The following SUGP2 variants were observed in gnomAD, a reference collection of about 807,000 sequenced individuals.
The protein encoded by SUGP2 is SURP and G-patch domain-containing protein 2.
In SUGP2, 24 loss-of-function variants were observed where a neutral mutation model predicts 90.5. That is an observed-to-expected ratio of 0.27 (90% CI 0.19 to 0.37). The LOEUF is 0.37. SUGP2 is among the 10% of genes least tolerant of loss of function. SUGP2 has a pLI of 1.00. For missense variants in SUGP2, 1,233 were observed against 1,363.3 expected (o/e 0.90, Z 1.51); for synonymous variants, 473 against 513.4 (o/e 0.92, Z 1.06).
intron 4 of SUGP2, among the ~76,000 whole-genome samples, chr19:19,016,216 A>G (rs774396456): frequency 6.6e-6 from 1 of 152,094 alleles, no homozygotes; most frequent in African/African-American, 2.4e-5. Context: ...TATTTTTAGT[A>G]GAGACAGGGT....
Position 19,004,459 on chromosome 19 carries a change from G to A in SUGP2, c.2638C>T (p.Pro880Ser). The change falls in exon 7 of 11, where the codon CCG becomes TCG. Residue 880 changes from proline (P) to serine (S), a missense_variant. Physicochemically the swap from Pro to Ser is moderately conservative, Grantham distance 74. Transcript: ENST00000452918. Reference protein sequence around the residue: ...GEAEFEDEPPPREAELESPEV... With the variant: ...GEAEFEDEPPSREAELESPEV... The stretch of plus-strand genomic sequence containing the variant: ...GGGCTCTCCAGCTCAGCCTCCCGCG[G>A]AGGGGGCTCGTCTTCAAACTCTGCT... 6.2e-7 allele frequency: 1 copy of A among 1,614,186 alleles called. No individual in the cohort carries two copies. Among genetic ancestry groups the A allele is most frequent in the Non-Finnish European group, 8.5e-7 (1 of 1,180,038 alleles).
chr19:19,025,535 G>T lies in SUGP2; in HGVS notation c.813C>A (p.Ile271=). The T allele has an allele frequency of 6.2e-7, 1 of 1,614,110 alleles. No homozygotes were observed. Among genetic ancestry groups the T allele is most frequent in the Non-Finnish European group, 8.5e-7 (1 of 1,180,028 alleles). Residue 271 remains isoleucine (I), a synonymous_variant, in exon 3 of 11, where the codon ATC becomes ATA. Coordinates refer to ENST00000452918, the MANE Select transcript of SUGP2 (RefSeq NM_001017392.5). ...CATCAGGACTTGGAGTGTTTTTCTG[G>T]ATTTGGTTAGTGCCCTGAGTTTTGG... ...ITPKTQGTNQ[I]QKNTPSPDVT...
At chr19:18,999,468 C>CTGAGCTAGAGT (rs1423641141) in intron 8 of SUGP2, among the ~76,000 whole-genome samples, 1 of 152,206 alleles carries the variant, frequency 6.6e-6, no homozygotes, top group Non-Finnish European at 1.5e-5. Flanking sequence ...GGTGGCAGGG[C>CTGAGCTAGAGT]TGAGCTAGAG....
intron 3 of SUGP2, among the ~76,000 whole-genome samples, chr19:19,021,042 C>T (rs900480008): frequency 7.3e-5 from 11 of 151,720 alleles, no homozygotes; most frequent in African/African-American, 2.4e-4. Flanking sequence ...GACTGTAATC[C>T]CAGCTACTAG....
rs200462244 is a variant in SUGP2 at position 19,008,361 on chromosome 19, G to A, written c.2406C>T (p.Ile802=). 1.9e-5 allele frequency: 31 copies of A among 1,614,156 alleles called. No individual in the cohort carries two copies. The highest frequency in any genetic ancestry group is 4.0e-5 in the African/African-American group (3 of 75,016). ...ARFVAQVGPE[I]EQFSIENSTD... is the part of the protein sequence containing the mutation. ...TGCTGTTTTCTATGCTGAATTGTTC[G>A]ATCTCTGGTCCCACCTGAGCAACAA... Residue 802 remains isoleucine, a synonymous_variant, in exon 6 of 11, where the codon ATC becomes ATT. Transcript: ENST00000452918.
intron 7 of SUGP2, 45 bp downstream of exon 7, chr19:19,004,123 C>T: frequency 1.4e-6 from 2 of 1,450,964 alleles, no homozygotes; most frequent in Non-Finnish European, 1.9e-6. Context: ...GCCCACCAAC[C>T]AAGAACTGTG....
intron 5 of SUGP2, 146 bp downstream of exon 5, chr19:19,009,709 A>G: frequency 9.7e-7 from 1 of 1,028,992 alleles, no homozygotes. Context: ...AGAAAGCGCC[A>G]ACATGTACAC....
At chr19:19,006,253 A>G (rs2058075440) in intron 6 of SUGP2, among the ~76,000 whole-genome samples, 1 of 152,128 alleles carries the variant, frequency 6.6e-6, no homozygotes, top group Admixed American at 6.6e-5. Flanking sequence ...GGATTGTATG[A>G]CAACTTTATA....
chr19:18,997,132 G>T (rs1042550011), intron 8 of SUGP2, among the ~76,000 whole-genome samples: 1 of 152,122 alleles, frequency 6.6e-6, no homozygotes, highest in Non-Finnish European at 1.5e-5. Flanking sequence ...CAGGCCTCAC[G>T]AGGTATAATT....
At chr19:18,995,118 C>T in intron 9 of SUGP2, 26 bp downstream of exon 9, 13 of 1,495,582 alleles carry the variant, frequency 8.7e-6, no homozygotes, top group Non-Finnish European at 1.2e-5. Context: ...CCCACCCACT[C>T]CCACCCCAGG....
chr19:19,014,057 G>A (rs551053930), intron 4 of SUGP2, among the ~76,000 whole-genome samples: 8 of 152,216 alleles, frequency 5.3e-5, no homozygotes, highest in Admixed American at 2.6e-4. Context: ...GCAGTGGTGC[G>A]ATCTCAGCTC....
At chr19:19,030,095 C>T (rs2059094176) in intron 2 of SUGP2, among the ~76,000 whole-genome samples, 1 of 151,824 alleles carries the variant, frequency 6.6e-6, no homozygotes, top group South Asian at 2.1e-4. Flanking sequence ...GGGAGGATCA[C>T]TTGAGCCCAG....
intron 8 of SUGP2, among the ~76,000 whole-genome samples, chr19:18,999,966 C>T (rs2057766557): frequency 6.6e-6 from 1 of 152,226 alleles, no homozygotes; most frequent in Non-Finnish European, 1.5e-5. Context: ...GTGTCACCCA[C>T]TCCATCTTCT....
Position 18,991,918 on chromosome 19 carries a change from A to G in SUGP2, c.*1823T>C, listed in dbSNP as rs2057379747. On this transcript the variant is annotated 3_prime_UTR_variant, in exon 11 of 11. Transcript: ENST00000452918. ...ACCTCTACTGCCATAAAGATCTGCC[A>G]GTTGCCAAAGCTACAGAAGCCACTG... is the stretch of plus-strand genomic sequence containing the variant. The G allele has an allele frequency of 6.6e-6, 1 of 152,296 alleles. No homozygotes were observed. Among genetic ancestry groups the G allele is most frequent in the Non-Finnish European group, 1.5e-5 (1 of 68,104 alleles). The allele number at this position is 152,296 out of a possible 1,614,324, so 9.4% of individuals were successfully genotyped here.
chr19:19,026,065 G>T lies in SUGP2; in HGVS notation c.283C>A (p.Pro95Thr). ...FPGPSFRSSN[P>T]SISDDSYFRK... Reference sequence around the variant, plus strand: ...AAGTAGCTGTCATCACTGATGGAAGGGTTGCTTGATCTGAAGGAAGGCCCT... The same window carrying T: ...AAGTAGCTGTCATCACTGATGGAAGTGTTGCTTGATCTGAAGGAAGGCCCT... The change falls in exon 3 of 11, where the codon CCT (proline) becomes ACT (threonine). Residue 95 changes from proline to threonine, a missense_variant. By Grantham distance (38) the Pro-to-Thr change is conservative. Coordinates refer to ENST00000452918, the MANE Select transcript of SUGP2 (RefSeq NM_001017392.5). The T allele has an allele frequency of 6.2e-7, 1 of 1,614,072 alleles. No individual in the cohort carries two copies. Among genetic ancestry groups the T allele is most frequent in the Non-Finnish European group, 8.5e-7 (1 of 1,180,014 alleles).
At chr19:18,996,461 G>A (rs1464219556) in intron 8 of SUGP2, among the ~76,000 whole-genome samples, 1 of 152,170 alleles carries the variant, frequency 6.6e-6, no homozygotes, top group Non-Finnish European at 1.5e-5. Context: ...ATGTTGCCCA[G>A]GCTGGTCTCG....
chr19:19,007,170 T>C (rs1020828301), intron 6 of SUGP2, among the ~76,000 whole-genome samples: 1 of 152,216 alleles, frequency 6.6e-6, no homozygotes, highest in Non-Finnish European at 1.5e-5. Context: ...CCAGGTTTTC[T>C]TGCCTATGGG....
chr19:19,015,176 T>C (rs2058452388), intron 4 of SUGP2, among the ~76,000 whole-genome samples: 1 of 151,132 alleles, frequency 6.6e-6, no homozygotes, highest in Non-Finnish European at 1.5e-5. Flanking sequence ...CACTCCAGCC[T>C]GGGGGACAGA....
chr19:19,012,697 G>A lies in SUGP2; in HGVS notation c.1851-2355C>T, dbSNP rs143340693. ...GAAAACTGCCTAGTAGTCATTAACC[G>A]CTCAACAAATATTAGCAGATTGTCT... On this transcript the variant is annotated intron_variant, in intron 4 of 10. Coordinates refer to ENST00000452918, the MANE Select transcript of SUGP2 (RefSeq NM_001017392.5). 6.6e-5 allele frequency among the ~76,000 whole-genome samples: 10 copies of A among 152,224 alleles called. No individual in the cohort carries two copies. In the East Asian group the frequency reaches 1.2e-3, roughly 18 times the overall value.
Sources: gnomAD v4.1 joint callset for allele counts (sites outside exome capture counted in the v4.1 genomes callset) on GRCh38, gnomAD v4.1.1 for gene constraint, MANE v1.5 for transcripts, NCBI Gene and HGNC (gene_info 2026-07-23, HGNC 2026-07-21) for gene names.